CNTNAP2: variants seen among roughly 807,000 people sequenced by gnomAD.
The protein encoded by CNTNAP2 is contactin associated protein 2.
A neutral mutation model predicts 155.2 loss-of-function variants in CNTNAP2; 98 were observed. The ratio of observed to expected loss-of-function variants is 0.63; its 90% confidence interval spans 0.54 to 0.75. The LOEUF (loss-of-function observed/expected upper bound fraction) is 0.75. Ranked by LOEUF, CNTNAP2 falls within the 30% of genes least tolerant of loss-of-function variation. The pLI is 0.00. For synonymous variants in CNTNAP2, 651 were observed against 631.2 expected, an observed-to-expected ratio of 1.03 and a Z score of -0.47; for missense variants, 1,727 against 1,688.1, an observed-to-expected ratio of 1.02 and a Z score of -0.40.
intron 4 of CNTNAP2, among the ~76,000 whole-genome samples, chr7:147,055,910 C>A (rs1233697893): frequency 2.0e-5 from 3 of 152,146 alleles, no homozygotes; most frequent in African/African-American, 4.8e-5. Context: ...TCACTGGAGA[C>A]CCTCCAGGCT....
chr7:147,264,059 G>C (rs1804551874), intron 8 of CNTNAP2, among the ~76,000 whole-genome samples: 1 of 152,166 alleles, frequency 6.6e-6, no homozygotes, highest in African/African-American at 2.4e-5. Context: ...CAATGTGTTT[G>C]CTTTATTTGA....
rs74489856 is a variant in CNTNAP2, at chr7:148,104,352, C to T, written c.2384-13766C>T. Among the ~76,000 whole-genome samples, 1,277 of 152,276 alleles carry T rather than the reference C, an allele frequency of 8.4e-3. 19 individuals carry two copies. The highest frequency in any genetic ancestry group is 0.029 in the African/African-American group (1,203 of 41,554). ...TAGAGCAGTTTCCCAGTTTCACATC[C>T]GTCATTCTGCTGAAATGGGTGGCTT... is the stretch of plus-strand genomic sequence containing the variant. On this transcript the variant is annotated intron_variant, in intron 15 of 23. Coordinates refer to ENST00000361727, the MANE Select transcript of CNTNAP2 (RefSeq NM_014141.6).
At chr7:148,320,026 G>A (rs565752236) in intron 21 of CNTNAP2, among the ~76,000 whole-genome samples, 2 of 152,228 alleles carry the variant, frequency 1.3e-5, no homozygotes, top group South Asian at 4.2e-4. Flanking sequence ...GCATTCTTGT[G>A]ATTATGTATT....
intron 1 of CNTNAP2, among the ~76,000 whole-genome samples, chr7:146,336,667 A>T (rs1801281601): frequency 6.6e-6 from 1 of 152,226 alleles, no homozygotes; most frequent in South Asian, 2.1e-4. Flanking sequence ...TAACGGCCCT[A>T]AACTGGAAAA....
chr7:147,266,189 GCTAAAGAAGCATGTT>G, intron 8 of CNTNAP2, among the ~76,000 whole-genome samples: 1 of 152,244 alleles, frequency 6.6e-6, no homozygotes, highest in Non-Finnish European at 1.5e-5. Flanking sequence ...TAACTGTTGA[GCTAAAGAAGCATGTT>G]CTAACCCAAT....
chr7:147,937,654 T>A (rs903281238), intron 14 of CNTNAP2, among the ~76,000 whole-genome samples: 1 of 152,158 alleles, frequency 6.6e-6, no homozygotes, highest in Middle Eastern at 3.2e-3. Context: ...TCCACCCCCA[T>A]GTTTCAGATC....
chr7:147,576,885 C>T (rs1328122722), intron 12 of CNTNAP2, among the ~76,000 whole-genome samples: 1 of 151,980 alleles, frequency 6.6e-6, no homozygotes, highest in Non-Finnish European at 1.5e-5. Flanking sequence ...GTTTTGTTCT[C>T]GCTTAGGGTG....
intron 3 of CNTNAP2, among the ~76,000 whole-genome samples, chr7:146,912,231 G>A (rs1796298509): frequency 1.3e-5 from 2 of 150,328 alleles, no homozygotes; most frequent in African/African-American, 2.4e-5. Flanking sequence ...GGATGCAGAT[G>A]TTCTTGCTGA....
chr7:147,094,648 C>T (rs528114292), intron 4 of CNTNAP2, among the ~76,000 whole-genome samples: 10 of 151,960 alleles, frequency 6.6e-5, no homozygotes, highest in East Asian at 1.9e-4. Context: ...CCTCGTGATC[C>T]GCCTGTCTCG....
chr7:148,117,524 C>T (rs1476686310), intron 15 of CNTNAP2, among the ~76,000 whole-genome samples: 1 of 152,226 alleles, frequency 6.6e-6, no homozygotes, highest in Admixed American at 6.5e-5. Context: ...AGCACTGGCT[C>T]TTCCAAGGCA....
At chr7:147,118,420 A>G (rs1279092112) in intron 5 of CNTNAP2, among the ~76,000 whole-genome samples, 1 of 152,244 alleles carries the variant, frequency 6.6e-6, no homozygotes, top group African/African-American at 2.4e-5. Context: ...GATAGCATTT[A>G]AAATGTGCTA....
At chr7:146,502,873 C>G (rs895683013) in intron 1 of CNTNAP2, among the ~76,000 whole-genome samples, 7 of 152,168 alleles carry the variant, frequency 4.6e-5, no homozygotes, top group African/African-American at 1.4e-4. Flanking sequence ...CCTCAGCCTA[C>G]CAAAGTGCTG....
intron 1 of CNTNAP2, among the ~76,000 whole-genome samples, chr7:146,572,096 A>G (rs1798449995): frequency 6.6e-6 from 1 of 152,222 alleles, no homozygotes; most frequent in Admixed American, 6.5e-5. Context: ...ATTTAAAGAC[A>G]CTAAGTACTC....
chr7:147,588,360 T>TA (rs1175549305), intron 12 of CNTNAP2, among the ~76,000 whole-genome samples: 17 of 152,214 alleles, frequency 1.1e-4, no homozygotes, highest in African/African-American at 3.9e-4. Context: ...TGGGGTAGTC[T>TA]AGAACAAACA....
intron 1 of CNTNAP2, among the ~76,000 whole-genome samples, chr7:146,234,609 G>C (rs538091522): frequency 6.6e-6 from 1 of 151,426 alleles, no homozygotes; most frequent in African/African-American, 2.4e-5. Flanking sequence ...TAACGTTTAA[G>C]TCTTTAATCC....
chr7:147,877,014 G>A (rs941565411), intron 13 of CNTNAP2, among the ~76,000 whole-genome samples: 1 of 152,066 alleles, frequency 6.6e-6, no homozygotes, highest in East Asian at 1.9e-4. Flanking sequence ...GATAGCAGGA[G>A]GGCCCACGTG....
At chr7:147,348,908 C>G (rs545714743) in intron 9 of CNTNAP2, among the ~76,000 whole-genome samples, 2 of 151,932 alleles carry the variant, frequency 1.3e-5, no homozygotes, top group Non-Finnish European at 2.9e-5. Context: ...ACCACATGTT[C>G]TCACTCATAA....
rs191894031 is a variant in CNTNAP2, at chr7:146,635,461, C to T, written c.98-138810C>T. Among the ~76,000 whole-genome samples the T allele has an allele frequency of 4.8e-3, 734 of 152,174 alleles. 6 individuals are homozygous for T. Among genetic ancestry groups the T allele is most frequent in the Non-Finnish European group, 7.6e-3 (514 of 68,016 alleles). On this transcript the variant is annotated intron_variant, in intron 1 of 23. Coordinates refer to ENST00000361727, the MANE Select transcript of CNTNAP2 (RefSeq NM_014141.6). Reference sequence around the variant, plus strand: ...GTGGACATTCTTAGGTGAGGTACAGCGATGACACATCGTAGAGAAGAGGAG... The same window carrying T: ...GTGGACATTCTTAGGTGAGGTACAGTGATGACACATCGTAGAGAAGAGGAG...
intron 9 of CNTNAP2, among the ~76,000 whole-genome samples, chr7:147,310,641 GT>G (rs1434105951): frequency 6.6e-6 from 1 of 152,074 alleles, no homozygotes; most frequent in Admixed American, 6.5e-5. Flanking sequence ...TAAGTCTACA[GT>G]TTATCCTATG....
Sources: gnomAD v4.1 joint callset for allele counts (sites outside exome capture counted in the v4.1 genomes callset) on GRCh38, gnomAD v4.1.1 for gene constraint, MANE v1.5 for transcripts, NCBI Gene and HGNC (gene_info 2026-07-23, HGNC 2026-07-21) for gene names.